The following THSD7A variants were observed in gnomAD, a reference collection of about 807,000 sequenced individuals.
The protein encoded by THSD7A is thrombospondin type 1 domain containing 7A, also known as thrombospondin type-1 domain-containing protein 7A.
In THSD7A, 96 loss-of-function variants were observed where a neutral mutation model predicts 231.3. That is an observed-to-expected ratio of 0.41 (90% CI 0.35 to 0.49). The LOEUF (loss-of-function observed/expected upper bound fraction) is 0.49. Among genes scored for constraint, THSD7A ranks in the 20% least tolerant of loss-of-function variants. The pLI is 0.05. For synonymous variants in THSD7A, 940 were observed against 743.3 expected (o/e 1.26, Z -4.30); for missense variants, 2,290 against 2,070.2 (o/e 1.11, Z -2.06).
At chr7:11,763,914 G>C (rs1202812959) in intron 1 of THSD7A, among the ~76,000 whole-genome samples, 6 of 152,150 alleles carry the variant, frequency 3.9e-5, no homozygotes, top group African/African-American at 1.4e-4. Flanking sequence ...GTAAGACTAT[G>C]ATTAGTATTA....
At chr7:11,644,321 A>G (rs1782202637) in intron 1 of THSD7A, among the ~76,000 whole-genome samples, 1 of 151,950 alleles carries the variant, frequency 6.6e-6, no homozygotes, top group African/African-American at 2.4e-5. Context: ...AAATTATACT[A>G]ATTGAATTGA....
At chr7:11,821,241 G>C (rs1341923278) in intron 1 of THSD7A, 1 of 1,168,610 alleles carries the variant, frequency 8.6e-7, no homozygotes, top group African/African-American at 1.5e-5. Flanking sequence ...ACAGTTCTGA[G>C]GGTCTACGCT....
At chr7:11,815,182 A>G (rs1187553029) in intron 1 of THSD7A, among the ~76,000 whole-genome samples, 1 of 151,938 alleles carries the variant, frequency 6.6e-6, no homozygotes, top group African/African-American at 2.4e-5. Flanking sequence ...AAGGTTGTCA[A>G]TCAATGCCCC....
intron 6 of THSD7A, among the ~76,000 whole-genome samples, chr7:11,513,420 T>C (rs1338236949): frequency 6.6e-6 from 1 of 151,858 alleles, no homozygotes; most frequent in African/African-American, 2.4e-5. Flanking sequence ...AACAAATGAA[T>C]GAATAAACAA....
rs7811562 is a variant in THSD7A at position 11,472,859 on chromosome 7, G to T, written c.2252+1475C>A. ...CTCAGCACAATAACCCTCATCCTGC[G>T]CCACAACAGGTTGGTCCTGTGCCTG... On this transcript the variant is annotated intron_variant, in intron 8 of 27. Coordinates refer to ENST00000423059, the MANE Select transcript of THSD7A (RefSeq NM_015204.3). Among the ~76,000 whole-genome samples the T allele has an allele frequency of 1.3e-5, 2 of 151,968 alleles. 1 individual carries two copies. Among genetic ancestry groups the T allele is most frequent in the South Asian group, 4.1e-4 (2 of 4,824 alleles).
chr7:11,643,988 TCTGAG>T (rs1174182945), intron 1 of THSD7A, among the ~76,000 whole-genome samples: 2 of 151,692 alleles, frequency 1.3e-5, no homozygotes, highest in African/African-American at 4.8e-5. Flanking sequence ...TTCCTCCAAG[TCTGAG>T]CTCCTATTGG....
rs1562633644 is a variant in THSD7A at position 11,468,431 on chromosome 7, T to C, written c.2368+1448A>G. Among the ~76,000 whole-genome samples, 3 of 151,886 alleles carry C rather than the reference T, an allele frequency of 2.0e-5. No homozygotes were observed. The South Asian group carries it at 6.2e-4, about 32-fold the overall frequency. ...TAAGAGAGGAAAATCTGGATTAAAATGTCAGGCAATGACACTGCATAGCAA... is the reference window on the plus strand; with the variant it reads ...TAAGAGAGGAAAATCTGGATTAAAACGTCAGGCAATGACACTGCATAGCAA... On this transcript the variant is annotated intron_variant, in intron 9 of 27. Transcript: ENST00000423059.
intron 7 of THSD7A, among the ~76,000 whole-genome samples, chr7:11,475,324 C>T (rs1396063763): frequency 1.3e-5 from 2 of 151,912 alleles, no homozygotes; most frequent in East Asian, 3.9e-4. Context: ...TTTGGGGGTA[C>T]CGAATTGGAA....
intron 2 of THSD7A, among the ~76,000 whole-genome samples, chr7:11,609,705 G>A (rs541036778): frequency 9.2e-5 from 14 of 152,150 alleles, no homozygotes; most frequent in Non-Finnish European, 1.9e-4. Flanking sequence ...ACTTTAGTAA[G>A]CAGTACTCCT....
At chr7:11,567,975 T>C (rs1790437553) in intron 4 of THSD7A, among the ~76,000 whole-genome samples, 1 of 152,212 alleles carries the variant, frequency 6.6e-6, no homozygotes, top group South Asian at 2.1e-4. Flanking sequence ...TCTCACCTAT[T>C]TGAACTCTAA....
At chr7:11,773,707 A>AT (rs1170395570) in intron 1 of THSD7A, among the ~76,000 whole-genome samples, 3 of 143,576 alleles carry the variant, frequency 2.1e-5, no homozygotes, top group Admixed American at 6.7e-5. Context: ...TGTGGGGTAC[A>AT]TTTTTTTTGA....
chr7:11,778,221 G>A (rs909334917), intron 1 of THSD7A, among the ~76,000 whole-genome samples: 4 of 150,742 alleles, frequency 2.7e-5, no homozygotes, highest in Admixed American at 2.0e-4. Flanking sequence ...CAGATTTGGG[G>A]TGTCAGGTTC....
At chr7:11,675,989 G>C (rs1360739258) in intron 1 of THSD7A, among the ~76,000 whole-genome samples, 1 of 152,208 alleles carries the variant, frequency 6.6e-6, no homozygotes, top group African/African-American at 2.4e-5. Context: ...CCCAACAGGG[G>C]TTGACAGACA....
rs935295716 is a variant in THSD7A at position 11,637,210 on chromosome 7, G to A, written c.191-249C>T. On this transcript the variant is annotated intron_variant, in intron 1 of 27. Coordinates refer to ENST00000423059, the MANE Select transcript of THSD7A (RefSeq NM_015204.3). This position sits in a 1 kb window ranked among gnomAD's most constrained non-coding sequence, Gnocchi z 4.2. Reference sequence around the variant, plus strand: ...TCACTTTGGGTCCTTTAGGGATTACGAAAAGTTTGGTTTTGTTCATTTCCT... The same window carrying A: ...TCACTTTGGGTCCTTTAGGGATTACAAAAAGTTTGGTTTTGTTCATTTCCT... Among the ~76,000 whole-genome samples, 3 of 152,176 alleles carry A rather than the reference G, an allele frequency of 2.0e-5. No individual in the cohort carries two copies. The highest frequency in any genetic ancestry group is 7.2e-5 in the African/African-American group (3 of 41,454).
At chr7:11,573,377 C>A (rs1188662446) in intron 4 of THSD7A, among the ~76,000 whole-genome samples, 1 of 152,150 alleles carries the variant, frequency 6.6e-6, no homozygotes, top group Non-Finnish European at 1.5e-5. Flanking sequence ...CCTAAAATTT[C>A]CAGCCAATTC....
At chr7:11,535,836 G>C (rs1240408306) in intron 6 of THSD7A, among the ~76,000 whole-genome samples, 1 of 152,046 alleles carries the variant, frequency 6.6e-6, no homozygotes, top group African/African-American at 2.4e-5. Context: ...TGAACTCAAG[G>C]TTCTCACCAA....
In THSD7A at chr7:11,583,146, G is replaced by T. The variant is rs185882318; in HGVS notation, c.1453+7314C>A. Among the ~76,000 whole-genome samples, 3 of 151,980 alleles carry T rather than the reference G, an allele frequency of 2.0e-5. No homozygotes were observed. The East Asian group carries it at 5.8e-4, about 29-fold the overall frequency. On this transcript the variant is annotated intron_variant, in intron 4 of 27. Transcript: ENST00000423059. ...AACTACCCATTTATTTATTTCCAGT[G>T]AATGTGTTTTTCAGTTCTAAAACTA...
rs1294856224 is a variant in THSD7A at position 11,541,416 on chromosome 7, T to C, written c.1822+3A>G. 2 of 1,613,822 alleles carry C rather than the reference T, an allele frequency of 1.2e-6. No individual in the cohort carries two copies. The highest frequency in any genetic ancestry group is 2.2e-5 in the East Asian group (1 of 44,874). On this transcript the variant is annotated splice_donor_region_variant and intron_variant, in intron 6 of 27. Transcript: ENST00000423059. ...AAAAACATAATAGATACGTCTGTCTTACCATCACTGTTGATGCACACAACC... is the reference window on the plus strand; with the variant it reads ...AAAAACATAATAGATACGTCTGTCTCACCATCACTGTTGATGCACACAACC...
intron 1 of THSD7A, among the ~76,000 whole-genome samples, chr7:11,744,715 G>A (rs887775292): frequency 6.0e-4 from 91 of 151,264 alleles, no homozygotes; most frequent in Non-Finnish European, 1.1e-3. Context: ...CCTTGTGATA[G>A]TTTGCTGAGA....
Sources: allele counts gnomAD v4.1 joint callset (sites outside exome capture counted in the v4.1 genomes callset), GRCh38; gene constraint gnomAD v4.1.1; non-coding constraint Gnocchi (gnomAD v3.1); transcripts MANE v1.5; gene names NCBI Gene and HGNC (gene_info 2026-07-23, HGNC 2026-07-21).